The following GLCE variants were observed in gnomAD, a reference collection of about 807,000 sequenced individuals.
GLCE encodes the protein D-glucuronyl C5-epimerase.
In GLCE, 19 loss-of-function variants were observed where a neutral mutation model predicts 47.9. The ratio of observed to expected loss-of-function variants is 0.40; its 90% confidence interval spans 0.28 to 0.58. The LOEUF (loss-of-function observed/expected upper bound fraction) is 0.58. Ranked by LOEUF, GLCE falls within the 20% of genes least tolerant of loss-of-function variation. The pLI is 0.48. For missense variants in GLCE, 556 were observed against 743.3 expected (o/e 0.75, Z 2.93); for synonymous variants, 245 against 263.4 (o/e 0.93, Z 0.68).
At chr15:69,263,507 A>G (rs1054414146) in intron 4 of GLCE, among the ~76,000 whole-genome samples, 2 of 151,688 alleles carry the variant, frequency 1.3e-5, no homozygotes, top group African/African-American at 4.8e-5. Flanking sequence ...GGCATATAAT[A>G]TGGGTCTGCA....
At chr15:69,224,793 C>A (rs900188340) in intron 2 of GLCE, among the ~76,000 whole-genome samples, 2 of 152,186 alleles carry the variant, frequency 1.3e-5, no homozygotes, top group Non-Finnish European at 2.9e-5. Context: ...TCATTTAGTC[C>A]TTCTCTTGGA....
chr15:69,198,250 T>C (rs1283819000), intron 1 of GLCE, among the ~76,000 whole-genome samples: 2 of 152,202 alleles, frequency 1.3e-5, no homozygotes, highest in African/African-American at 4.8e-5. Context: ...ATGTTATTAC[T>C]CAACTATTGG....
At chr15:69,167,324 T>C (rs1365898296) in intron 1 of GLCE, among the ~76,000 whole-genome samples, 2 of 152,258 alleles carry the variant, frequency 1.3e-5, no homozygotes, top group Non-Finnish European at 2.9e-5. Context: ...AGAATGACTT[T>C]TTATAAAAGT....
intron 1 of GLCE, among the ~76,000 whole-genome samples, chr15:69,202,407 A>G (rs749587601): frequency 7.2e-5 from 11 of 152,232 alleles, no homozygotes; most frequent in Non-Finnish European, 1.3e-4. Flanking sequence ...GAGATTTACT[A>G]TCTGTTGGTC....
At chr15:69,199,751 G>A (rs1300454393) in intron 1 of GLCE, among the ~76,000 whole-genome samples, 1 of 152,152 alleles carries the variant, frequency 6.6e-6, no homozygotes, top group Non-Finnish European at 1.5e-5. Flanking sequence ...CACTTGGGGA[G>A]TTTAAAAACT....
intron 1 of GLCE, among the ~76,000 whole-genome samples, chr15:69,187,773 C>G (rs1159521368): frequency 6.6e-6 from 1 of 152,038 alleles, no homozygotes; most frequent in Non-Finnish European, 1.5e-5. Flanking sequence ...CATATCAACA[C>G]TACTTGGGGC....
chr15:69,220,519 G>A (rs72754397), intron 2 of GLCE, among the ~76,000 whole-genome samples: 3,888 of 152,022 alleles, frequency 0.026, 83 homozygotes, highest in Non-Finnish European at 0.035. Flanking sequence ...ATTTGTGTTC[G>A]TTAATGATTT....
chr15:69,246,079 C>G (rs1450221339), intron 2 of GLCE, among the ~76,000 whole-genome samples: 1 of 151,814 alleles, frequency 6.6e-6, no homozygotes, highest in African/African-American at 2.4e-5. Context: ...GATTCCATCT[C>G]AAGAAACCAC....
Position 69,269,265 on chromosome 15 carries a change from C to T in GLCE, c.*21C>T, listed in dbSNP as rs2053131714. The T allele has an allele frequency of 6.3e-7, 1 of 1,598,166 alleles. No homozygotes were observed. On this transcript the variant is annotated 3_prime_UTR_variant, in exon 5 of 5. Transcript: ENST00000261858. ...ACTAGAGCTCACAACCAAAACTGCA[C>T]TTCAGCCTCTGCTGTACACAGAAAC...
chr15:69,186,680 A>G (rs1005922745), intron 1 of GLCE, among the ~76,000 whole-genome samples: 8 of 152,220 alleles, frequency 5.3e-5, no homozygotes, highest in African/African-American at 1.4e-4. Context: ...ATAGTTAGCT[A>G]CTAGTTAGTA....
At chr15:69,211,283 T>C (rs1331387563) in intron 2 of GLCE, among the ~76,000 whole-genome samples, 2 of 152,098 alleles carry the variant, frequency 1.3e-5, no homozygotes, top group Non-Finnish European at 2.9e-5. Flanking sequence ...CTTGTTCTCA[T>C]TCTAAAAACT....
rs935531870 is a variant in GLCE, at chr15:69,160,730, T to A, written c.-132T>A. On this transcript the variant is annotated 5_prime_UTR_variant, in exon 1 of 5. Transcript: ENST00000261858. The surrounding 1 kb of genome is among the most constrained non-coding windows in gnomAD (Gnocchi z 4.2). ...CTCCTTCTCTTCCTCAGGGCTCCCG[T>A]GTCTGCTCGCCCTCCGACGCTGCTC... is the stretch of plus-strand genomic sequence containing the variant. 1.2e-4 allele frequency: 18 copies of A among 152,902 alleles called. No homozygotes were observed. The highest frequency in any genetic ancestry group is 4.3e-4 in the African/African-American group (18 of 41,596). The allele number at this position is 152,902 out of a possible 1,614,324, so 9.5% of individuals were successfully genotyped here. A position where few individuals can be genotyped will look rare whatever the true frequency, so the allele number is the denominator to read the frequency against.
intron 4 of GLCE, among the ~76,000 whole-genome samples, chr15:69,266,170 A>T (rs1233679028): frequency 1.3e-5 from 2 of 152,210 alleles, no homozygotes; most frequent in Non-Finnish European, 2.9e-5. Flanking sequence ...CATTCTTGAT[A>T]CAACTTTCAG....
At chr15:69,208,835 T>A (rs2052186842) in intron 1 of GLCE, among the ~76,000 whole-genome samples, 1 of 152,124 alleles carries the variant, frequency 6.6e-6, no homozygotes, top group Admixed American at 6.6e-5. Flanking sequence ...CTCTTGTACA[T>A]GTTCTAATAT....
In GLCE at chr15:69,174,564, C is replaced by T. The variant is rs563137263; in HGVS notation, c.-105+13807C>T. Reference sequence around the variant, plus strand: ...GGTAGAGGTTGCATTGCGCTGAGATCGCACCAGTGTATTCCAGCCTGGGCG... The same window carrying T: ...GGTAGAGGTTGCATTGCGCTGAGATTGCACCAGTGTATTCCAGCCTGGGCG... On this transcript the variant is annotated intron_variant, in intron 1 of 4. Coordinates refer to ENST00000261858, the MANE Select transcript of GLCE (RefSeq NM_015554.3). 6.6e-5 allele frequency among the ~76,000 whole-genome samples: 10 copies of T among 152,230 alleles called. No individual in the cohort carries two copies. In the South Asian group the frequency reaches 1.7e-3, roughly 25 times the overall value.
chr15:69,232,452 C>CGTGTGT (rs35924437), intron 2 of GLCE, among the ~76,000 whole-genome samples: 1 of 150,786 alleles, frequency 6.6e-6, no homozygotes, highest in East Asian at 2.0e-4. Flanking sequence ...CTACATGAAT[C>CGTGTGT]GTGTGTGTGT....
intron 1 of GLCE, among the ~76,000 whole-genome samples, chr15:69,163,067 A>G (rs1345425467): frequency 6.6e-6 from 1 of 152,236 alleles, no homozygotes; most frequent in Non-Finnish European, 1.5e-5. Context: ...TATTCAGACC[A>G]AAATACCTGG....
In GLCE at chr15:69,176,255, T is replaced by C. The variant is rs767492779; in HGVS notation, c.-105+15498T>C. On this transcript the variant is annotated intron_variant, in intron 1 of 4. Coordinates refer to ENST00000261858, the MANE Select transcript of GLCE (RefSeq NM_015554.3). The stretch of plus-strand genomic sequence containing the variant: ...TTTTTTTTTTTGAGACAGGGTCTTG[T>C]TCTGTTGCCCAGGCTGGAGTGCAGT... Among the ~76,000 whole-genome samples the C allele has an allele frequency of 2.2e-3, 304 of 139,360 alleles. 1 individual carries two copies. The highest frequency in any genetic ancestry group is 5.9e-3 in the African/African-American group (223 of 37,730). 91.4% of individuals were successfully genotyped at this position (139,360 alleles called of 152,430 possible). A position where few individuals can be genotyped will look rare whatever the true frequency, so the allele number is the denominator to read the frequency against.
At chr15:69,246,134 C>A (rs1228470421) in intron 2 of GLCE, among the ~76,000 whole-genome samples, 1 of 152,218 alleles carries the variant, frequency 6.6e-6, no homozygotes, top group East Asian at 1.9e-4. Context: ...GCCCCCTCTT[C>A]AGACTCTACT....
Sources: allele counts gnomAD v4.1 joint callset (sites outside exome capture counted in the v4.1 genomes callset), GRCh38; gene constraint gnomAD v4.1.1; non-coding constraint Gnocchi (gnomAD v3.1); transcripts MANE v1.5; gene names NCBI Gene and HGNC (gene_info 2026-07-23, HGNC 2026-07-21).